Variants in CCDC3 observed in about 807,000 individuals in gnomAD.
CCDC3 encodes coiled-coil domain-containing protein 3.
A neutral mutation model predicts 21.4 loss-of-function variants in CCDC3; 24 were observed. The ratio of observed to expected loss-of-function variants is 1.12; its 90% CI spans 0.81 to 1.58. The LOEUF (loss-of-function observed/expected upper bound fraction) is 1.58, where lower values mean the gene tolerates loss of function less well. CCDC3 is among the 40% of genes most tolerant of loss of function. The probability of loss-of-function intolerance (pLI) is 0.00; values close to 1 mark genes in which losing one functional copy is unlikely to be tolerated. For synonymous variants in CCDC3, 186 were observed against 166.0 expected (o/e 1.12, Z -0.93); for missense variants, 425 against 360.9 (o/e 1.18, Z -1.44).
chr10:13,063,953 T>C (rs1349562367), intron 4 of CCDC3, among the ~76,000 whole-genome samples: 1 of 147,772 alleles, frequency 6.8e-6, no homozygotes, highest in Non-Finnish European at 1.5e-5. Context: ...TTTTGAGACA[T>C]TGTCTCGCTC....
In CCDC3 at chr10:13,030,466, G is replaced by A. The variant is rs571572957; in HGVS notation, c.-2+19208C>T. 4.1e-3 allele frequency among the ~76,000 whole-genome samples: 628 copies of A among 152,266 alleles called. 9 individuals carry two copies. The highest frequency in any genetic ancestry group is 0.014 in the African/African-American group (595 of 41,548). ...CAAAATAACCAGCTAACATCATAAC[G>A]ACAGGATAAAATTCACACATAACAA... is the stretch of plus-strand genomic sequence containing the variant. On this transcript the variant is annotated intron_variant, in intron 5 of 6. Transcript: ENST00000378839.
chr10:13,065,688 T>C (rs1389240614), intron 4 of CCDC3, among the ~76,000 whole-genome samples: 1 of 152,218 alleles, frequency 6.6e-6, no homozygotes, highest in Non-Finnish European at 1.5e-5. Flanking sequence ...CCTCCATTCC[T>C]GCCCACTTGA....
chr10:13,080,841 G>C (rs545605857), intron 3 of CCDC3, among the ~76,000 whole-genome samples: 1 of 152,388 alleles, frequency 6.6e-6, no homozygotes, highest in Admixed American at 6.5e-5. Flanking sequence ...CAAGGCCAGA[G>C]GCCAGACAGT....
rs112635290 is a variant in CCDC3, at chr10:12,935,822, C to T, written c.550-37143G>A. On this transcript the variant is annotated intron_variant, in intron 2 of 2. Transcript: ENST00000378825. ...CTGGGACTGCAGGCGTGAGCCAGTG[C>T]GCCCGGCCAACCCAAGTACACTTTC... Among the ~76,000 whole-genome samples the T allele has an allele frequency of 6.0e-3, 917 of 152,232 alleles. 8 individuals carry two copies. Among genetic ancestry groups the T allele is most frequent in the African/African-American group, 0.021 (862 of 41,552 alleles).
chr10:13,024,898 T>C (rs1452276633), intron 5 of CCDC3, among the ~76,000 whole-genome samples: 2 of 152,198 alleles, frequency 1.3e-5, no homozygotes, highest in African/African-American at 2.4e-5. Context: ...AATCTCCTCA[T>C]TGCCCTTCTA....
intron 5 of CCDC3, among the ~76,000 whole-genome samples, chr10:13,023,564 C>T (rs559725427): frequency 1.3e-5 from 2 of 152,242 alleles, no homozygotes; most frequent in African/African-American, 2.4e-5. Flanking sequence ...TTGCTAACGT[C>T]CCGTTGTCTA....
intron 2 of CCDC3, among the ~76,000 whole-genome samples, chr10:12,986,501 A>G (rs537271862): frequency 3.5e-4 from 54 of 152,340 alleles, no homozygotes; most frequent in African/African-American, 1.1e-3. Flanking sequence ...TAGGCCGGGC[A>G]CAGTGGTTCA....
intron 2 of CCDC3, among the ~76,000 whole-genome samples, chr10:12,945,600 C>T (rs1322127934): frequency 6.6e-6 from 1 of 152,102 alleles, no homozygotes; most frequent in East Asian, 1.9e-4. Context: ...GAATGTGGTC[C>T]TCTGTGTTAA....
rs528321795 is a variant in CCDC3 at position 12,917,818 on chromosome 10, C to A, written c.550-19139G>T. 1.7e-3 allele frequency among the ~76,000 whole-genome samples: 262 copies of A among 152,310 alleles called. 1 individual carries two copies. Among genetic ancestry groups the A allele is most frequent in the Non-Finnish European group, 1.8e-3 (124 of 68,028 alleles). On this transcript the variant is annotated intron_variant, in intron 2 of 2. Transcript: ENST00000378825. ...CTTTTGTTGAGTCTGTGGGCTGTTACTGAATTTTGTACTTTCCTAAAGATT... is the reference window on the plus strand; with the variant it reads ...CTTTTGTTGAGTCTGTGGGCTGTTAATGAATTTTGTACTTTCCTAAAGATT...
At chr10:12,964,480 G>A (rs2131259728) in intron 2 of CCDC3, among the ~76,000 whole-genome samples, 1 of 152,254 alleles carries the variant, frequency 6.6e-6, no homozygotes, top group East Asian at 1.9e-4. Flanking sequence ...TTTATGCCTG[G>A]AAGTGCTGCA....
At chr10:13,019,517 C>T (rs1365013415) in intron 5 of CCDC3, among the ~76,000 whole-genome samples, 3 of 152,182 alleles carry the variant, frequency 2.0e-5, no homozygotes, top group Non-Finnish European at 4.4e-5. Context: ...AGAGGTATCA[C>T]GTGATCAGCA....
intron 3 of CCDC3, among the ~76,000 whole-genome samples, chr10:13,080,674 TA>T (rs1159639464): frequency 6.6e-6 from 1 of 152,160 alleles, no homozygotes; most frequent in African/African-American, 2.4e-5. Context: ...AAGAACCCAT[TA>T]GGGGCCCTCC....
chr10:13,001,680 A>G lies in CCDC3; in HGVS notation c.-110T>C, dbSNP rs568162936. 1,870 of 717,422 alleles carry G rather than the reference A, an allele frequency of 2.6e-3. 41 individuals carry two copies. The African/African-American group carries it at 0.032, about 12-fold the overall frequency. 44.4% of individuals were successfully genotyped at this position (717,422 alleles called of 1,614,324 possible). ...CTGCTCGGGCCGCTCCCGGGAGCTG[A>G]GCGCACCGCTGTCTCCGCCACGGGG... On this transcript the variant is annotated 5_prime_UTR_variant, in exon 1 of 3. Transcript: ENST00000378825.
At chr10:13,080,860 G>C (rs932267003) in intron 3 of CCDC3, among the ~76,000 whole-genome samples, 1 of 152,258 alleles carries the variant, frequency 6.6e-6, no homozygotes, top group Non-Finnish European at 1.5e-5. Flanking sequence ...GTGGGGGCTT[G>C]GGCAGGAGCA....
chr10:12,950,157 G>A (rs532294703), intron 2 of CCDC3, among the ~76,000 whole-genome samples: 9 of 152,222 alleles, frequency 5.9e-5, no homozygotes, highest in Non-Finnish European at 1.2e-4. Context: ...GCCCAATCCA[G>A]ACCACATGGG....
In CCDC3 at chr10:13,084,266, C is replaced by T. The variant is rs143051379; in HGVS notation, c.-502-10166G>A. Reference sequence around the variant, plus strand: ...TGTCTATGGAGTAGCCATCTTTCACCACTCTACCTTCTTTTCTTTTCTTTT... The same window carrying T: ...TGTCTATGGAGTAGCCATCTTTCACTACTCTACCTTCTTTTCTTTTCTTTT... On this transcript the variant is annotated intron_variant, in intron 3 of 6. Coordinates refer to the CCDC3 transcript ENST00000378839. 3.3e-5 allele frequency among the ~76,000 whole-genome samples: 5 copies of T among 150,246 alleles called. No individual in the cohort carries two copies. The East Asian group carries it at 7.8e-4, about 24-fold the overall frequency.
chr10:13,035,645 C>T (rs186005076), intron 5 of CCDC3, among the ~76,000 whole-genome samples: 5 of 152,220 alleles, frequency 3.3e-5, no homozygotes, highest in East Asian at 3.9e-4. Context: ...TATATCATCC[C>T]GAGGCATGTT....
intron 2 of CCDC3, among the ~76,000 whole-genome samples, chr10:12,975,740 T>C (rs957555811): frequency 1.3e-5 from 2 of 152,196 alleles, no homozygotes; most frequent in African/African-American, 4.8e-5. Flanking sequence ...AGTGTTCATA[T>C]AACCAGCAAC....
chr10:13,002,316 C>T (rs1835869415), upstream of CCDC3, among the ~76,000 whole-genome samples: 1 of 152,214 alleles, frequency 6.6e-6, no homozygotes, highest in Non-Finnish European at 1.5e-5. Context: ...CTTTTCACAT[C>T]AGTGAGTGAA....
Sources: gnomAD v4.1 joint callset for allele counts (sites outside exome capture counted in the v4.1 genomes callset) on GRCh38, gnomAD v4.1.1 for gene constraint, MANE v1.5 for transcripts, NCBI Gene and HGNC (gene_info 2026-07-23, HGNC 2026-07-21) for gene names.